Variants in NPEPL1 observed in about 807,000 individuals in gnomAD.
NPEPL1 encodes aminopeptidase like 1.
NPEPL1 carries 45 observed loss-of-function variants against 52.4 expected under a neutral mutation model. The observed-to-expected ratio is 0.86, with a 90% confidence interval of 0.68 to 1.10. The LOEUF is 1.10. Among genes scored for constraint, NPEPL1 ranks in the 50% least tolerant of loss-of-function variants. The pLI is 0.00. For missense variants in NPEPL1, 696 were observed against 710.9 expected, an observed-to-expected ratio of 0.98 and a Z score of 0.24; for synonymous variants, 360 against 314.7, an observed-to-expected ratio of 1.14 and a Z score of -1.52.
chr20:58,699,808 C>T (rs1181028972), intron 5 of NPEPL1, among the ~76,000 whole-genome samples: 3 of 152,194 alleles, frequency 2.0e-5, no homozygotes, highest in Non-Finnish European at 2.9e-5. Context: ...TCAGCTGCCC[C>T]GTGGTGCTTG....
In NPEPL1 at chr20:58,713,398, G is replaced by A. The variant is rs772191511; in HGVS notation, c.1002-22G>A. ...GTCCCAGGAAATCCCGTCCCTGAGC[G>A]GGGATCTCTACCATGCCCCAGGACG... On this transcript the variant is annotated intron_variant, in intron 8 of 11. Transcript: ENST00000356091. The surrounding 1 kb of genome is among the most constrained non-coding windows in gnomAD (Gnocchi z 4.6). 21 of 1,578,722 alleles carry A rather than the reference G, an allele frequency of 1.3e-5. No individual in the cohort carries two copies. Among genetic ancestry groups the A allele is most frequent in the Admixed American group, 7.1e-5 (4 of 56,472 alleles).
chr20:58,708,336 G>A (rs1048008691), intron 7 of NPEPL1, among the ~76,000 whole-genome samples: 5 of 152,220 alleles, frequency 3.3e-5, no homozygotes, highest in African/African-American at 9.6e-5. Context: ...ACTGTGTGAC[G>A]GGCTTCTGCT....
At chr20:58,697,019 C>T (rs1390770474) in intron 3 of NPEPL1, among the ~76,000 whole-genome samples, 1 of 152,260 alleles carries the variant, frequency 6.6e-6, no homozygotes, top group Non-Finnish European at 1.5e-5. Context: ...TTCCAGTCCC[C>T]ACCCAGGACC....
chr20:58,700,261 G>T (rs2084586561), intron 5 of NPEPL1, among the ~76,000 whole-genome samples: 1 of 152,220 alleles, frequency 6.6e-6, no homozygotes, highest in South Asian at 2.1e-4. Context: ...TGAGACATCA[G>T]GACCTGCTCA....
At chr20:58,693,228 C>A in intron 1 of NPEPL1, 178 bp downstream of exon 1, 1 of 308,760 alleles carries the variant, frequency 3.2e-6, no homozygotes, top group Non-Finnish European at 4.7e-6. Flanking sequence ...GGAGGCCCAG[C>A]CCCAGGCCCC....
Position 58,715,244 on chromosome 20 carries a change from A to C in NPEPL1, c.1490A>C (p.Asn497Thr). 6.2e-7 allele frequency: 1 copy of C among 1,610,232 alleles called. No individual in the cohort carries two copies. Among genetic ancestry groups the C allele is most frequent in the Non-Finnish European group, 8.5e-7 (1 of 1,179,212 alleles). ...FGRASEDPLL[N>T]LVSPLGCEVD... is the part of the protein sequence containing the mutation. ...CGTGCCTCTGAGGACCCTCTGCTGA[A>C]CCTGGTGTCCCCACTGGGCTGTGAG... Residue 497 changes from asparagine (N) to threonine (T), a missense_variant, in exon 12 of 12, where the codon AAC becomes ACC. Transcript: ENST00000356091.
At position 58,714,051 on chromosome 20, in the gene NPEPL1, C is replaced by T. The variant is rs749309728; in HGVS notation, c.1260C>T (p.Ser420=). The stretch of plus-strand genomic sequence containing the variant: ...TCTACTGCCCCGAGCTGCACTTCAG[C>T]GAGTTCACCTCAGCTGTGGCGGACA... ...PLVYCPELHF[S]EFTSAVADMK... Residue 420 remains serine (S), a synonymous_variant, in exon 10 of 12, where the codon AGC becomes AGT. Coordinates refer to ENST00000356091, the MANE Select transcript of NPEPL1 (RefSeq NM_024663.4). 34 of 1,544,482 alleles carry T rather than the reference C, an allele frequency of 2.2e-5. No individual in the cohort carries two copies. The highest frequency in any genetic ancestry group is 2.4e-5 in the Non-Finnish European group (27 of 1,146,336).
At chr20:58,709,168 C>T (rs547697584) in intron 7 of NPEPL1, among the ~76,000 whole-genome samples, 1 of 151,910 alleles carries the variant, frequency 6.6e-6, no homozygotes, top group African/African-American at 2.4e-5. Flanking sequence ...GTGCTGAGGA[C>T]ACCCCACCCC....
chr20:58,692,623 G>T (rs2084373004), upstream of NPEPL1: 2 of 185,142 alleles, frequency 1.1e-5, no homozygotes, highest in South Asian at 3.6e-4. The surrounding 1 kb of genome is among the most constrained non-coding windows in gnomAD (Gnocchi z 5.7). Context: ...TGGAGGCCGG[G>T]CGCGCGGGCC....
intron 7 of NPEPL1, among the ~76,000 whole-genome samples, chr20:58,711,922 T>C (rs1186706208): frequency 6.6e-6 from 1 of 151,606 alleles, no homozygotes; most frequent in Non-Finnish European, 1.5e-5. Context: ...CTACTCCATT[T>C]GACATTGCTG....
chr20:58,694,264 G>A (rs2084414338), intron 2 of NPEPL1, among the ~76,000 whole-genome samples, 158 bp from the exon 3 acceptor site: 1 of 152,186 alleles, frequency 6.6e-6, no homozygotes, highest in Non-Finnish European at 1.5e-5. Flanking sequence ...ATGGTTCCGG[G>A]GATGACCTGA....
rs2084897409 is a variant in NPEPL1 at position 58,713,519 on chromosome 20, C to G, written c.1101C>G (p.Asp367Glu). ...CKDLGADIIL[D>E]MATLTGAQGI... Reference sequence around the variant, plus strand: ...ACCTGGGGGCCGACATCATCCTGGACATGGCCACCCTGACCGGGGCTCAGG... The same window carrying G: ...ACCTGGGGGCCGACATCATCCTGGAGATGGCCACCCTGACCGGGGCTCAGG... The change falls in exon 9 of 12, where the codon GAC becomes GAG. Residue 367 changes from aspartate (D) to glutamate (E), a missense_variant. Asp to Glu is a conservative substitution (Grantham distance 45). Transcript: ENST00000356091. This position sits in a 1 kb window ranked among gnomAD's most constrained non-coding sequence, Gnocchi z 4.6. 6.2e-7 allele frequency: 1 copy of G among 1,609,532 alleles called. No individual in the cohort carries two copies. Among genetic ancestry groups the G allele is most frequent in the Non-Finnish European group, 8.5e-7 (1 of 1,177,760 alleles).
chr20:58,691,226 C>T (rs1002286195), upstream of NPEPL1: 55 of 699,036 alleles, frequency 7.9e-5, no homozygotes, highest in East Asian at 1.4e-3. Flanking sequence ...TTCATACACA[C>T]TGTTAGTACC....
upstream of NPEPL1, chr20:58,691,587 G>A (rs1046651137): frequency 1.3e-4 from 85 of 630,766 alleles, no homozygotes; most frequent in South Asian, 8.0e-4. Flanking sequence ...TGTGGCTCCC[G>A]GGGCTACAAG....
intron 1 of NPEPL1, 95 bp from the exon 2 acceptor site, chr20:58,693,642 G>T (rs965643689): frequency 1.8e-6 from 2 of 1,132,732 alleles, no homozygotes; most frequent in Non-Finnish European, 2.6e-6. Flanking sequence ...TTCCAGGACT[G>T]CAGGAGTGGT....
Position 58,692,818 on chromosome 20 carries a change from A to C in NPEPL1, c.-83A>C. ...GCCGGGCAGGGCCGGGGCGGTGCCG[A>C]GGCCGGGCCGGAGCGGGGCGAAGGG... On this transcript the variant is annotated 5_prime_UTR_variant, in exon 1 of 12. Transcript: ENST00000356091. This position sits in a 1 kb window ranked among gnomAD's most constrained non-coding sequence, Gnocchi z 5.7. The C allele has an allele frequency of 1.0e-6, 1 of 971,038 alleles. No homozygotes were observed. The highest frequency in any genetic ancestry group is 1.2e-6 in the Non-Finnish European group (1 of 821,314). The allele number at this position is 971,038 out of a possible 1,614,324, so 60.2% of individuals were successfully genotyped here. A position where few individuals can be genotyped will look rare whatever the true frequency, so the allele number is the denominator to read the frequency against.
At chr20:58,694,857 G>A (rs1429393362) in intron 3 of NPEPL1, among the ~76,000 whole-genome samples, 3 of 152,232 alleles carry the variant, frequency 2.0e-5, no homozygotes, top group Non-Finnish European at 4.4e-5. Flanking sequence ...CGTCCATGCT[G>A]TTTTCCAAAT....
chr20:58,700,556 T>C (rs1008350822), intron 5 of NPEPL1, among the ~76,000 whole-genome samples: 1 of 152,202 alleles, frequency 6.6e-6, no homozygotes, highest in Non-Finnish European at 1.5e-5. Flanking sequence ...AGGCCACAGC[T>C]TTCTTGAGAA....
At chr20:58,692,098 A>C, upstream of NPEPL1, 2 of 466,326 alleles carry the variant, frequency 4.3e-6, no homozygotes, top group Non-Finnish European at 7.7e-6. This position sits in a 1 kb window ranked among gnomAD's most constrained non-coding sequence, Gnocchi z 5.7. Context: ...GTGCCAGATG[A>C]CCCTTCTTGC....
Sources: allele counts gnomAD v4.1 joint callset (sites outside exome capture counted in the v4.1 genomes callset), GRCh38; gene constraint gnomAD v4.1.1; non-coding constraint Gnocchi (gnomAD v3.1); transcripts MANE v1.5; gene names NCBI Gene and HGNC (gene_info 2026-07-23, HGNC 2026-07-21).